ZNF334: variants seen among roughly 807,000 people sequenced by gnomAD.
The protein encoded by ZNF334 is zinc finger protein 334.
A neutral mutation model predicts 12.4 loss-of-function variants in ZNF334; 14 were observed. That is an observed-to-expected ratio of 1.13 (90% CI 0.74 to 1.76). ZNF334 has a LOEUF of 1.76. ZNF334 is among the 40% of genes most tolerant of loss of function. ZNF334 has a pLI of 0.00. For missense variants in ZNF334, 797 were observed against 804.5 expected (o/e 0.99, Z 0.11); for synonymous variants, 273 against 269.6 (o/e 1.01, Z -0.12).
intron 4 of ZNF334, among the ~76,000 whole-genome samples, chr20:46,503,534 A>G (rs186355530): frequency 6.6e-6 from 1 of 152,356 alleles, no homozygotes; most frequent in East Asian, 1.9e-4. Context: ...TACAACAGAT[A>G]TCAGAAAGAT....
At chr20:46,463,686 T>G in the ZNF334 span, 4 of 214,030 alleles carry the variant, frequency 1.9e-5, no homozygotes, top group Middle Eastern at 2.1e-3. Flanking sequence ...TCAGGATTTA[T>G]TTTTGAAACT....
chr20:46,476,755 A>T, the ZNF334 span, among the ~76,000 whole-genome samples: 6 of 152,240 alleles, frequency 3.9e-5, no homozygotes, highest in Admixed American at 3.3e-4. Context: ...CGACTATCCA[A>T]GCTGATAAAG....
the ZNF334 span, among the ~76,000 whole-genome samples, chr20:46,475,105 T>A: frequency 6.6e-6 from 1 of 152,222 alleles, no homozygotes; most frequent in East Asian, 1.9e-4. Context: ...ACTTGGCATA[T>A]CTCCTTGGAG....
At position 46,501,227 on chromosome 20, in the gene ZNF334, A is replaced by G. The variant is rs1027877568; in HGVS notation, c.*69T>C. On this transcript the variant is annotated 3_prime_UTR_variant, in exon 5 of 5. Coordinates refer to ENST00000692313, the MANE Select transcript of ZNF334 (RefSeq NM_001353824.2). ...TATAAGATTTTACTCCTCTATACAT[A>G]CTCACAGTTTAGCATTGTGTAAGTT... The G allele has an allele frequency of 5.2e-5, 81 of 1,543,076 alleles. No homozygotes were observed. The highest frequency in any genetic ancestry group is 6.8e-5 in the Non-Finnish European group (78 of 1,147,396).
rs770758416 is a variant in ZNF334, at chr20:46,502,157, C to A, written c.1182G>T (p.Ala394=). 1.2e-6 allele frequency: 2 copies of A among 1,613,746 alleles called. No homozygotes were observed. Among genetic ancestry groups the A allele is most frequent in the East Asian group, 2.2e-5 (1 of 44,846 alleles). Residue 394 remains alanine (A), a synonymous_variant, in exon 5 of 5, where the codon GCG becomes GCT. Coordinates refer to ENST00000692313, the MANE Select transcript of ZNF334 (RefSeq NM_001353824.2). The stretch of plus-strand genomic sequence containing the variant: ...TTTCCCCTGTGTGAATTCTCTGATG[C>A]GCAGTAAGGGCTGACTGACAGAAGA... ...KTFFCQSALT[A]HQRIHTGEKP...
At chr20:46,466,274 C>A in the ZNF334 span, among the ~76,000 whole-genome samples, 1 of 151,992 alleles carries the variant, frequency 6.6e-6, no homozygotes, top group South Asian at 2.1e-4. Context: ...CAAGTAAAAA[C>A]ACACTTAGAA....
chr20:46,506,319 A>G, intron 2 of ZNF334: 3 of 652,784 alleles, frequency 4.6e-6, no homozygotes, highest in Non-Finnish European at 8.3e-6. Flanking sequence ...TTTATGTAAG[A>G]AAGGAGATGT....
chr20:46,482,738 G>C, the ZNF334 span, among the ~76,000 whole-genome samples: 1 of 151,990 alleles, frequency 6.6e-6, no homozygotes, highest in Non-Finnish European at 1.5e-5. Context: ...AATGACACAG[G>C]GGAATATGTC....
chr20:46,500,642 T>C lies in ZNF334; in HGVS notation c.*654A>G, dbSNP rs149264939. The C allele has an allele frequency of 6.6e-6, 1 of 152,370 alleles. No individual in the cohort carries two copies. The highest frequency in any genetic ancestry group is 2.4e-5 in the African/African-American group (1 of 41,588). 9.4% of individuals were successfully genotyped at this position (152,370 alleles called of 1,614,324 possible). A position where few individuals can be genotyped will look rare whatever the true frequency, so the allele number is the denominator to read the frequency against. ...CCGTCTTCTTGACTTAGCTGAAAGC[T>C]TCAGGATCATGAACTAGTTATCCTG... On this transcript the variant is annotated 3_prime_UTR_variant, in exon 5 of 5. Coordinates refer to ENST00000692313, the MANE Select transcript of ZNF334 (RefSeq NM_001353824.2).
At chr20:46,476,666 A>T in the ZNF334 span, among the ~76,000 whole-genome samples, 1 of 152,334 alleles carries the variant, frequency 6.6e-6, no homozygotes, top group South Asian at 2.1e-4. Flanking sequence ...AGAACCATAT[A>T]CTTGTATTAT....
chr20:46,473,940 C>T, the ZNF334 span, among the ~76,000 whole-genome samples: 1 of 152,190 alleles, frequency 6.6e-6, no homozygotes, highest in Non-Finnish European at 1.5e-5. Flanking sequence ...TGCCAGAATG[C>T]AGAGGGACTG....
chr20:46,509,980 T>C (rs568274420), intron 2 of ZNF334, among the ~76,000 whole-genome samples: 23 of 152,200 alleles, frequency 1.5e-4, no homozygotes, highest in Non-Finnish European at 3.2e-4. Context: ...AGACAGTATC[T>C]CCTTCATTCA....
chr20:46,462,461 C>G, the ZNF334 span, among the ~76,000 whole-genome samples: 2 of 152,216 alleles, frequency 1.3e-5, no homozygotes, highest in African/African-American at 4.8e-5. Flanking sequence ...CATCTGTCTA[C>G]CTGAAAGATC....
intron 4 of ZNF334, among the ~76,000 whole-genome samples, chr20:46,503,743 C>T (rs2061332722): frequency 6.6e-6 from 1 of 152,246 alleles, no homozygotes; most frequent in Admixed American, 6.5e-5. Flanking sequence ...ATTTTGCATG[C>T]CAGGCACCTT....
the ZNF334 span, chr20:46,477,130 C>T: frequency 6.6e-6 from 1 of 152,166 alleles, no homozygotes; most frequent in South Asian, 2.1e-4. Flanking sequence ...AAAGGTACAG[C>T]TTCTGCTTCC....
the ZNF334 span, chr20:46,464,809 T>C: frequency 1.9e-6 from 1 of 536,786 alleles, no homozygotes; most frequent in Non-Finnish European, 3.8e-6. Context: ...CCCAGTCCTC[T>C]GAACCCACTC....
chr20:46,506,378 C>G (rs1465582050), intron 2 of ZNF334: 2 of 573,728 alleles, frequency 3.5e-6, no homozygotes, highest in Admixed American at 5.7e-5. Flanking sequence ...ATAATCCCAG[C>G]ACTCTGAGAG....
At chr20:46,510,619 G>A (rs895075980) in intron 2 of ZNF334, among the ~76,000 whole-genome samples, 42 of 151,824 alleles carry the variant, frequency 2.8e-4, no homozygotes, top group African/African-American at 8.9e-4. Context: ...CCAGCTACTC[G>A]GGAGGCTGAG....
chr20:46,490,026 C>CA, the ZNF334 span, among the ~76,000 whole-genome samples: 14 of 151,816 alleles, frequency 9.2e-5, no homozygotes, highest in Non-Finnish European at 1.3e-4. Context: ...GTTTTTATTA[C>CA]AAAAAAAGTG....
Sources: allele counts gnomAD v4.1 joint callset (sites outside exome capture counted in the v4.1 genomes callset), GRCh38; gene constraint gnomAD v4.1.1; transcripts MANE v1.5; gene names NCBI Gene and HGNC (gene_info 2026-07-23, HGNC 2026-07-21).